Variants in SPIRE1 observed in about 807,000 individuals in gnomAD.
The protein encoded by SPIRE1 is spire type actin nucleation factor 1.
SPIRE1 carries 40 observed loss-of-function variants against 94.1 expected under a neutral mutation model. The observed-to-expected ratio is 0.43, with a 90% CI of 0.33 to 0.55. The LOEUF is 0.55. SPIRE1 is among the 20% of genes least tolerant of loss of function. SPIRE1 has a pLI of 0.06. For missense variants in SPIRE1, 838 were observed against 975.2 expected, an observed-to-expected ratio of 0.86 and a Z score of 1.87; for synonymous variants, 376 against 371.7, an observed-to-expected ratio of 1.01 and a Z score of -0.13.
At position 12,618,234 on chromosome 18, in the gene SPIRE1, T is replaced by C. The variant is rs377651314; in HGVS notation, c.372+16828A>G. ...CTCCTGCCTCAGCCTCCCGAGTAGC[T>C]GGGACTACAGGCACCTGCCACTATG... is the stretch of plus-strand genomic sequence containing the variant. On this transcript the variant is annotated intron_variant, in intron 2 of 16. Coordinates refer to ENST00000409402, the MANE Select transcript of SPIRE1 (RefSeq NM_001128626.2). Among the ~76,000 whole-genome samples, 11 of 152,156 alleles carry C rather than the reference T, an allele frequency of 7.2e-5. No individual in the cohort carries two copies. In the South Asian group the frequency reaches 1.2e-3, roughly 17 times the overall value.
intron 12 of SPIRE1, among the ~76,000 whole-genome samples, chr18:12,461,425 T>TGTATGTATGTATATACATACATGC (rs746556654): frequency 3.2e-4 from 47 of 144,862 alleles, no homozygotes; most frequent in Non-Finnish European, 2.6e-4. Flanking sequence ...TGTGTGTGTG[T>TGTATGTATGTATATACATACATGC]GTGTATGTAT....
chr18:12,487,510 G>A (rs1003304532), intron 8 of SPIRE1, among the ~76,000 whole-genome samples: 1 of 150,434 alleles, frequency 6.6e-6, no homozygotes, highest in African/African-American at 2.4e-5. Context: ...CCAGGTTCAA[G>A]CAATCTCCCG....
At chr18:12,522,764 G>A (rs2034399284) in intron 4 of SPIRE1, among the ~76,000 whole-genome samples, 1 of 152,112 alleles carries the variant, frequency 6.6e-6, no homozygotes, top group Non-Finnish European at 1.5e-5. Flanking sequence ...CTCTATAAAT[G>A]GAACAACAAA....
In SPIRE1 at chr18:12,453,068, C is replaced by A; in HGVS notation, c.1847G>T (p.Arg616Met). Residue 616 changes from arginine to methionine, a missense_variant and splice_region_variant, in exon 14 of 17, where the codon AGG becomes ATG. Physicochemically the swap from Arg to Met is moderately conservative, Grantham distance 91 (BLOSUM62 -1). This residue lies in a region of SPIRE1 where 645 missense variants were observed against 804.7 expected (regional missense o/e 0.80). Transcript: ENST00000409402. ...TTTCATCAATTACAAAATACCTTACCTCTTACAGAACTGACAGGTATAAGA... is the reference window on the plus strand; with the variant it reads ...TTTCATCAATTACAAAATACCTTACATCTTACAGAACTGACAGGTATAAGA... ...TWSYTCQFCK[R>M]PVCSQCCKKM... The A allele has an allele frequency of 6.4e-7, 1 of 1,566,056 alleles. No individual in the cohort carries two copies. The highest frequency in any genetic ancestry group is 1.4e-5 in the African/African-American group (1 of 72,618).
intron 2 of SPIRE1, among the ~76,000 whole-genome samples, chr18:12,631,001 C>T (rs2144795769): frequency 6.6e-6 from 1 of 152,302 alleles, no homozygotes; most frequent in South Asian, 2.1e-4. Context: ...AGAAATGAGC[C>T]TGCCTTCTTG....
chr18:12,541,428 C>T (rs537162544), intron 3 of SPIRE1, among the ~76,000 whole-genome samples: 2 of 152,260 alleles, frequency 1.3e-5, no homozygotes, highest in Admixed American at 6.5e-5. Flanking sequence ...TATGGTTGTA[C>T]ATTTGTCTAC....
At chr18:12,525,703 A>T (rs1230773882) in intron 4 of SPIRE1, among the ~76,000 whole-genome samples, 3 of 152,138 alleles carry the variant, frequency 2.0e-5, no homozygotes, top group African/African-American at 7.2e-5. Context: ...CATCTGGATT[A>T]AAAAGCCCCC....
chr18:12,562,381 C>T (rs889690995), intron 2 of SPIRE1, among the ~76,000 whole-genome samples: 2 of 150,970 alleles, frequency 1.3e-5, no homozygotes, highest in Non-Finnish European at 3.0e-5. Flanking sequence ...ACTTCCTGGG[C>T]TCAAGTGATC....
At chr18:12,625,280 G>A (rs1013109852) in intron 2 of SPIRE1, among the ~76,000 whole-genome samples, 2 of 152,106 alleles carry the variant, frequency 1.3e-5, no homozygotes, top group African/African-American at 2.4e-5. Context: ...ACCGTGTTGC[G>A]GCCATGGGAA....
At chr18:12,620,179 C>A (rs1598542681) in intron 2 of SPIRE1, among the ~76,000 whole-genome samples, 1 of 152,070 alleles carries the variant, frequency 6.6e-6, no homozygotes, top group East Asian at 1.9e-4. Context: ...TTTTTGGAGT[C>A]AACGAAGACC....
chr18:12,506,645 A>C lies in SPIRE1; in HGVS notation c.808-4T>G. 6.2e-7 allele frequency: 1 copy of C among 1,613,988 alleles called. No individual in the cohort carries two copies. Among genetic ancestry groups the C allele is most frequent in the Non-Finnish European group, 8.5e-7 (1 of 1,179,910 alleles). On this transcript the variant is annotated splice_region_variant and splice_polypyrimidine_tract_variant and intron_variant, in intron 5 of 16. Coordinates refer to ENST00000409402, the MANE Select transcript of SPIRE1 (RefSeq NM_001128626.2). ...TCACCTGTACCCAGAATCGTGCCTGAAAGAACCAAGGATAGAGAGACATCA... is the reference window on the plus strand; with the variant it reads ...TCACCTGTACCCAGAATCGTGCCTGCAAGAACCAAGGATAGAGAGACATCA...
At chr18:12,476,843 A>G (rs2032623713) in intron 10 of SPIRE1, among the ~76,000 whole-genome samples, 1 of 152,088 alleles carries the variant, frequency 6.6e-6, no homozygotes, top group African/African-American at 2.4e-5. Flanking sequence ...GTCTAAGATC[A>G]TTCACTCTGT....
chr18:12,619,116 G>C (rs988010148), intron 2 of SPIRE1, among the ~76,000 whole-genome samples: 1 of 151,830 alleles, frequency 6.6e-6, no homozygotes, highest in Non-Finnish European at 1.5e-5. Context: ...ACTCCCACTT[G>C]AACTCCCAAC....
chr18:12,552,081 A>G (rs2035367342), intron 2 of SPIRE1, among the ~76,000 whole-genome samples: 1 of 152,270 alleles, frequency 6.6e-6, no homozygotes, highest in South Asian at 2.1e-4. Flanking sequence ...CAGAAGGAAC[A>G]TTAAGACCAG....
At chr18:12,469,795 C>T (rs938891316) in intron 10 of SPIRE1, among the ~76,000 whole-genome samples, 14 of 147,474 alleles carry the variant, frequency 9.5e-5, no homozygotes, top group African/African-American at 3.2e-4. Flanking sequence ...TCATGAGACT[C>T]TTATAGATGC....
In SPIRE1 at chr18:12,533,834, G is replaced by A. The variant is rs566326581; in HGVS notation, c.729+1642C>T. On this transcript the variant is annotated intron_variant, in intron 4 of 16. Transcript: ENST00000409402. Reference sequence around the variant, plus strand: ...AAAAGTAATCTTTTCTACTATTCGAGAAAACCTAGTTGAGGATGTGCCTTT... The same window carrying A: ...AAAAGTAATCTTTTCTACTATTCGAAAAAACCTAGTTGAGGATGTGCCTTT... Among the ~76,000 whole-genome samples the A allele has an allele frequency of 5.0e-4, 76 of 152,056 alleles. 1 individual carries two copies. Among genetic ancestry groups the A allele is most frequent in the African/African-American group, 1.8e-3 (75 of 41,496 alleles).
At chr18:12,493,352 C>T (rs1055739172) in intron 7 of SPIRE1, 151 bp from the exon 8 acceptor site, 2 of 714,922 alleles carry the variant, frequency 2.8e-6, no homozygotes, top group Admixed American at 3.2e-5. Flanking sequence ...ATTAAGGTTC[C>T]TAAAGCAATA....
At chr18:12,627,466 G>A (rs1458571714) in intron 2 of SPIRE1, among the ~76,000 whole-genome samples, 1 of 152,162 alleles carries the variant, frequency 6.6e-6, no homozygotes, top group Non-Finnish European at 1.5e-5. Context: ...TATCATCGAT[G>A]GACATTTGGG....
intron 2 of SPIRE1, among the ~76,000 whole-genome samples, chr18:12,623,544 T>C (rs1034182330): frequency 1.3e-5 from 2 of 152,186 alleles, no homozygotes; most frequent in African/African-American, 2.4e-5. Flanking sequence ...CCCATCCGCA[T>C]TGCATTATGT....
Sources: gnomAD v4.1 joint callset for allele counts (sites outside exome capture counted in the v4.1 genomes callset) on GRCh38, gnomAD v4.1.1 for gene constraint, gnomAD v4.1.1 regional missense constraint, MANE v1.5 for transcripts, NCBI Gene and HGNC (gene_info 2026-07-23, HGNC 2026-07-21) for gene names.